Variants in AGAP1 observed in about 807,000 individuals in gnomAD.
AGAP1 encodes the protein ArfGAP with GTPase domain, ankyrin repeat and PH domain 1, also known as arf-GAP with GTPase, ANK repeat and PH domain-containing protein 1.
Under a neutral mutation model 105.3 loss-of-function variants are expected in AGAP1, and 29 were observed. That is an observed-to-expected ratio of 0.28 (90% confidence interval 0.21 to 0.38). The LOEUF (loss-of-function observed/expected upper bound fraction) is 0.38. Among genes scored for constraint, AGAP1 ranks in the 10% least tolerant of loss-of-function variants. AGAP1 has a pLI of 1.00. For missense variants in AGAP1, 998 were observed against 1,165.1 expected, an observed-to-expected ratio of 0.86 and a Z score of 2.09; for synonymous variants, 509 against 485.9, an observed-to-expected ratio of 1.05 and a Z score of -0.63.
At chr2:235,890,089 A>T (rs1422682296) in intron 10 of AGAP1, among the ~76,000 whole-genome samples, 1 of 151,574 alleles carries the variant, frequency 6.6e-6, no homozygotes, top group Non-Finnish European at 1.5e-5. Context: ...CTGCACTTCC[A>T]TGCTGTGTAG....
chr2:236,020,486 A>G lies in AGAP1; in HGVS notation c.1646-16075A>G, dbSNP rs2056849018. Among the ~76,000 whole-genome samples, 1 of 152,204 alleles carries G rather than the reference A, an allele frequency of 6.6e-6. No homozygotes were observed. Among genetic ancestry groups the G allele is most frequent in the African/African-American group, 2.4e-5 (1 of 41,446 alleles). On this transcript the variant is annotated intron_variant, in intron 13 of 17. Coordinates refer to ENST00000304032, the MANE Select transcript of AGAP1 (RefSeq NM_001037131.3). This position sits in a 1 kb window ranked among gnomAD's most constrained non-coding sequence, Gnocchi z 5.0. ...CGTCAGTTGTAGAAATTTGGCTAAA[A>G]GCGTGAGCTGTGGAGTCACACACGC...
chr2:235,704,480 T>C (rs533294919), intron 1 of AGAP1, among the ~76,000 whole-genome samples: 3 of 152,250 alleles, frequency 2.0e-5, no homozygotes, highest in Non-Finnish European at 4.4e-5. Flanking sequence ...ACCCCGTCTC[T>C]ACTAAAAATA....
At chr2:236,069,020 G>A (rs1407338603) in intron 16 of AGAP1, among the ~76,000 whole-genome samples, 2 of 150,288 alleles carry the variant, frequency 1.3e-5, no homozygotes, top group African/African-American at 2.5e-5. Flanking sequence ...CAAACTGCTC[G>A]GGAGGCTGAG....
intron 1 of AGAP1, among the ~76,000 whole-genome samples, chr2:235,605,296 C>T (rs1288228168): frequency 6.6e-6 from 1 of 152,214 alleles, no homozygotes; most frequent in East Asian, 1.9e-4. Flanking sequence ...TCACGCCCCT[C>T]ATCTTCATTT....
chr2:235,857,712 A>G (rs1222575182), intron 9 of AGAP1, among the ~76,000 whole-genome samples: 1 of 152,240 alleles, frequency 6.6e-6, no homozygotes, highest in East Asian at 1.9e-4. Flanking sequence ...CAGCAAATTC[A>G]AAGTCAACTA....
rs898533831 is a variant in AGAP1 at position 236,119,202 on chromosome 2, A to G, written c.2115-990A>G. Among the ~76,000 whole-genome samples, 2 of 150,770 alleles carry G rather than the reference A, an allele frequency of 1.3e-5. No homozygotes were observed. Among genetic ancestry groups the G allele is most frequent in the African/African-American group, 4.9e-5 (2 of 40,912 alleles). ...GGCATCAGCATCATCCACTCTCCACACCTCCGACCCCATCCACCCCCTCCC... is the reference window on the plus strand; with the variant it reads ...GGCATCAGCATCATCCACTCTCCACGCCTCCGACCCCATCCACCCCCTCCC... On this transcript the variant is annotated intron_variant, in intron 16 of 17. Coordinates refer to ENST00000304032, the MANE Select transcript of AGAP1 (RefSeq NM_001037131.3). The surrounding 1 kb of genome is among the most constrained non-coding windows in gnomAD (Gnocchi z 6.6).
chr2:235,504,684 G>A (rs1559207187), intron 1 of AGAP1, among the ~76,000 whole-genome samples: 1 of 152,120 alleles, frequency 6.6e-6, no homozygotes, highest in African/African-American at 2.4e-5. Context: ...TCGTGAAGCC[G>A]CTCCTGCAGC....
intron 1 of AGAP1, among the ~76,000 whole-genome samples, chr2:235,680,681 C>T (rs1157157791): frequency 6.6e-6 from 1 of 152,038 alleles, no homozygotes; most frequent in East Asian, 1.9e-4. Context: ...TGGGGCTGTA[C>T]CTGCCAGGAG....
At chr2:236,084,107 A>G (rs2058858651) in intron 16 of AGAP1, among the ~76,000 whole-genome samples, 1 of 152,160 alleles carries the variant, frequency 6.6e-6, no homozygotes, top group Non-Finnish European at 1.5e-5. Flanking sequence ...CCCCTGTCAT[A>G]AAACCCCTAC....
In AGAP1 at chr2:236,051,346, T is replaced by C. The variant is rs900688241; in HGVS notation, c.2114+2065T>C. Reference sequence around the variant, plus strand: ...GTAGAAAAGCAACGGTGAGTGATGATTGCAGTTCCCTGGTGATTGGTGAAG... The same window carrying C: ...GTAGAAAAGCAACGGTGAGTGATGACTGCAGTTCCCTGGTGATTGGTGAAG... On this transcript the variant is annotated intron_variant, in intron 16 of 17. Transcript: ENST00000304032. The surrounding 1 kb of genome is among the most constrained non-coding windows in gnomAD (Gnocchi z 5.9). 1.3e-5 allele frequency among the ~76,000 whole-genome samples: 2 copies of C among 152,224 alleles called. No homozygotes were observed. Among genetic ancestry groups the C allele is most frequent in the African/African-American group, 4.8e-5 (2 of 41,458 alleles).
rs541069682 is a variant in AGAP1 at position 235,788,207 on chromosome 2, C to T, written c.674-9552C>T. Among the ~76,000 whole-genome samples, 54 of 152,058 alleles carry T rather than the reference C, an allele frequency of 3.6e-4. 2 individuals are homozygous for T. The highest frequency in any genetic ancestry group is 6.8e-3 in the Middle Eastern group (2 of 294). On this transcript the variant is annotated intron_variant, in intron 6 of 17. Transcript: ENST00000304032. The surrounding 1 kb of genome is among the most constrained non-coding windows in gnomAD (Gnocchi z 6.0). ...AGCAGAGTGCCATACTGGGACCCTA[C>T]GGTACAGCCAGCCGGAGACACAGGG... is the stretch of plus-strand genomic sequence containing the variant.
intron 9 of AGAP1, among the ~76,000 whole-genome samples, chr2:235,856,958 G>C (rs892901390): frequency 4.6e-5 from 7 of 152,240 alleles, no homozygotes; most frequent in African/African-American, 1.7e-4. Flanking sequence ...GAATGCCGCT[G>C]TAGGGAAACA....
intron 13 of AGAP1, among the ~76,000 whole-genome samples, chr2:235,996,951 A>G (rs536063635): frequency 6.6e-6 from 1 of 152,356 alleles, no homozygotes; most frequent in Non-Finnish European, 1.5e-5. Context: ...GTGTAGGAGA[A>G]GAAAAAAATC....
intron 1 of AGAP1, among the ~76,000 whole-genome samples, chr2:235,632,034 A>G (rs1259025838): frequency 6.6e-6 from 1 of 152,232 alleles, no homozygotes; most frequent in Non-Finnish European, 1.5e-5. Context: ...CTCAAGGGAC[A>G]GCCCACCTGG....
chr2:236,059,207 T>C (rs2058124014), intron 16 of AGAP1, among the ~76,000 whole-genome samples: 1 of 151,560 alleles, frequency 6.6e-6, no homozygotes. Context: ...ACACTAGCAG[T>C]GGACAATCAA....
rs187963638 is a variant in AGAP1 at position 235,904,129 on chromosome 2, A to G, written c.1156-4609A>G. On this transcript the variant is annotated intron_variant, in intron 10 of 17. Transcript: ENST00000304032. This position sits in a 1 kb window ranked among gnomAD's most constrained non-coding sequence, Gnocchi z 4.2. Reference sequence around the variant, plus strand: ...GTTGAGGCTAATTGAATGAAACTCAATCATAGCTCTTAATTGCTTGACTAT... The same window carrying G: ...GTTGAGGCTAATTGAATGAAACTCAGTCATAGCTCTTAATTGCTTGACTAT... Among the ~76,000 whole-genome samples the G allele has an allele frequency of 8.5e-5, 13 of 152,366 alleles. No individual in the cohort carries two copies. Among genetic ancestry groups the G allele is most frequent in the African/African-American group, 3.1e-4 (13 of 41,586 alleles).
In AGAP1 at chr2:236,020,372, TA is replaced by T. The variant is rs1298546045; in HGVS notation, c.1646-16188del. Among the ~76,000 whole-genome samples the T allele has an allele frequency of 6.6e-6, 1 of 152,224 alleles. No individual in the cohort carries two copies. Among genetic ancestry groups the T allele is most frequent in the Non-Finnish European group, 1.5e-5 (1 of 68,044 alleles). ...GAAAAGACGTGTTGCCCATGAAGCA[TA>T]GGGGGGAATTTAGAAATGAAACTTA... is the stretch of plus-strand genomic sequence containing the variant. On this transcript the variant is annotated intron_variant, in intron 13 of 17. Transcript: ENST00000304032. This position sits in a 1 kb window ranked among gnomAD's most constrained non-coding sequence, Gnocchi z 5.0.
chr2:235,571,938 G>A (rs1296452573), intron 1 of AGAP1, among the ~76,000 whole-genome samples: 1 of 123,998 alleles, frequency 8.1e-6, no homozygotes, highest in East Asian at 2.5e-4. Flanking sequence ...CACTTTGTGT[G>A]TGTGTGTGTG....
chr2:236,039,142 G>A lies in AGAP1; in HGVS notation c.1801-1609G>A, dbSNP rs1171307951. On this transcript the variant is annotated intron_variant, in intron 14 of 17. Transcript: ENST00000304032. The stretch of plus-strand genomic sequence containing the variant: ...TATTAAATGCATACTTAATAAATAA[G>A]CCTCAAAAACACTACATATCAGCCA... 2.0e-5 allele frequency among the ~76,000 whole-genome samples: 3 copies of A among 152,046 alleles called. No homozygotes were observed. In the East Asian group the frequency reaches 5.8e-4, roughly 29 times the overall value.
Sources: gnomAD v4.1 joint callset for allele counts (sites outside exome capture counted in the v4.1 genomes callset) on GRCh38, gnomAD v4.1.1 for gene constraint, Gnocchi (gnomAD v3.1) non-coding constraint, MANE v1.5 for transcripts, NCBI Gene and HGNC (gene_info 2026-07-23, HGNC 2026-07-21) for gene names.